CC2D2A: variants seen among roughly 807,000 people sequenced by gnomAD.
CC2D2A encodes coiled-coil and C2 domain-containing protein 2A.
In CC2D2A, 155 loss-of-function variants were observed where a neutral mutation model predicts 212.9. The ratio of observed to expected loss-of-function variants is 0.73; its 90% CI spans 0.64 to 0.83. CC2D2A has a LOEUF of 0.83. CC2D2A is among the 40% of genes least tolerant of loss of function. The pLI, the probability that CC2D2A is intolerant of heterozygous loss-of-function variation, is 0.00. For synonymous variants in CC2D2A, 667 were observed against 686.5 expected, an observed-to-expected ratio of 0.97 and a Z score of 0.44; for missense variants, 1,856 against 1,956.2, an observed-to-expected ratio of 0.95 and a Z score of 0.97.
rs755258233 is a variant in CC2D2A, at chr4:15,528,652, C to A, written c.1392C>A (p.Gly464=). The change falls in exon 13 of 37, where the codon GGC becomes GGA. Residue 464 remains glycine, a synonymous_variant. Coordinates refer to ENST00000424120, the MANE Select transcript of CC2D2A (RefSeq NM_001378615.1). ...CTTTAAGAAATGCTGTTCAGACTGG[C>A]CTTGATCCAGAAAAACCTCATCAGT... ...LQALRNAVQT[G]LDPEKPHQSL... 2.1e-5 allele frequency: 34 copies of A among 1,613,734 alleles called. No individual in the cohort carries two copies. The highest frequency in any genetic ancestry group is 9.3e-5 in the African/African-American group (7 of 74,920).
In CC2D2A at chr4:15,538,069, T is replaced by C. The variant is rs769851879; in HGVS notation, c.1935T>C (p.Pro645=). 1.2e-6 allele frequency: 2 copies of C among 1,607,438 alleles called. No individual in the cohort carries two copies. Among genetic ancestry groups the C allele is most frequent in the Non-Finnish European group, 1.7e-6 (2 of 1,177,092 alleles). ...RERAAQSRRR[P]WEPTLVPELS... ...GAGCAGCCCAGAGCAGGAGGAGGCCTTGGGAGCCCACGCTGGTCCCGGAGC... is the reference window on the plus strand; with the variant it reads ...GAGCAGCCCAGAGCAGGAGGAGGCCCTGGGAGCCCACGCTGGTCCCGGAGC... The change falls in exon 16 of 37, where the codon CCT becomes CCC. Residue 645 remains proline, a synonymous_variant. Transcript: ENST00000424120.
intron 18 of CC2D2A, among the ~76,000 whole-genome samples, chr4:15,552,955 ACT>A (rs1719083457): frequency 6.6e-6 from 1 of 152,094 alleles, no homozygotes; most frequent in African/African-American, 2.4e-5. Context: ...GAGAATGTCT[ACT>A]CTCTGCCATC....
At chr4:15,546,101 C>A (rs998268930) in intron 17 of CC2D2A, among the ~76,000 whole-genome samples, 2 of 151,710 alleles carry the variant, frequency 1.3e-5, no homozygotes, top group African/African-American at 2.4e-5. Context: ...CAGGGTGAGA[C>A]CCTGTCTCAA....
chr4:15,541,712 G>T (rs1021754549), intron 17 of CC2D2A, among the ~76,000 whole-genome samples: 1 of 152,154 alleles, frequency 6.6e-6, no homozygotes. Context: ...AGGTTATGAT[G>T]TGGGAAAGAT....
At position 15,550,857 on chromosome 4, in the gene CC2D2A, T is replaced by C; in HGVS notation, c.2215T>C (p.Leu739=). The C allele has an allele frequency of 6.3e-7, 1 of 1,596,162 alleles. No individual in the cohort carries two copies. The highest frequency in any genetic ancestry group is 2.2e-5 in the East Asian group (1 of 44,544). The part of the protein sequence containing the change: ...YETVGHSSPT[L]LAEVFLPIPE... ...AACTGTCGGACACAGTAGTCCCACC[T>C]TGCTAGCAGAAGTGTTTCTGCCTAT... Residue 739 remains leucine, a synonymous_variant, in exon 18 of 37, where the codon TTG becomes CTG. Transcript: ENST00000424120.
Position 15,587,930 on chromosome 4 carries a change from G to A in CC2D2A, c.4179+1G>A, listed in dbSNP as rs886044295. On this transcript the variant is annotated splice_donor_variant, in intron 32 of 36. Transcript: ENST00000424120. LOFTEE classifies it high-confidence loss of function. ...GTTGATGGGCAATGCTATTCCTGAGGTAAGACCACATAGGCTGCCTTTAAC... is the reference window on the plus strand; with the variant it reads ...GTTGATGGGCAATGCTATTCCTGAGATAAGACCACATAGGCTGCCTTTAAC... 6.3e-7 allele frequency: 1 copy of A among 1,575,222 alleles called. No individual in the cohort carries two copies. The highest frequency in any genetic ancestry group is 8.7e-7 in the Non-Finnish European group (1 of 1,145,714).
chr4:15,562,067 C>G (rs1719631268), intron 23 of CC2D2A, among the ~76,000 whole-genome samples: 1 of 152,202 alleles, frequency 6.6e-6, no homozygotes, highest in South Asian at 2.1e-4. Flanking sequence ...TAAATGGTAG[C>G]TATTTTGTGT....
At chr4:15,537,432 C>T (rs994201312) in intron 15 of CC2D2A, among the ~76,000 whole-genome samples, 4 of 152,140 alleles carry the variant, frequency 2.6e-5, no homozygotes, top group African/African-American at 9.7e-5. Flanking sequence ...ATTGATGCTT[C>T]TGAGTTTCCT....
rs1056778058 is a variant in CC2D2A at position 15,590,454 on chromosome 4, G to A, written c.4314+775G>A. ...TGCTTGAACCCAGGAGGCAGAGGTT[G>A]CAACGAGCTGAGATGGAGCCACTGC... is the stretch of plus-strand genomic sequence containing the variant. On this transcript the variant is annotated intron_variant, in intron 33 of 36. Transcript: ENST00000424120. 2.0e-5 allele frequency among the ~76,000 whole-genome samples: 3 copies of A among 152,192 alleles called. No individual in the cohort carries two copies. The East Asian group carries it at 5.8e-4, about 29-fold the overall frequency.
intron 4 of CC2D2A, among the ~76,000 whole-genome samples, chr4:15,497,436 T>C (rs968118477): frequency 2.0e-5 from 3 of 152,176 alleles, no homozygotes; most frequent in Admixed American, 6.6e-5. Flanking sequence ...AAGTAAAAGG[T>C]AGTTCAGGCC....
At chr4:15,483,930 C>G (rs1164732747) in intron 4 of CC2D2A, among the ~76,000 whole-genome samples, 2 of 152,186 alleles carry the variant, frequency 1.3e-5, no homozygotes, top group East Asian at 3.8e-4. Flanking sequence ...AGAGTGGGTA[C>G]CAGTCTCTAC....
chr4:15,541,185 G>A (rs1718424391), intron 17 of CC2D2A, among the ~76,000 whole-genome samples, 171 bp downstream of exon 17: 1 of 151,984 alleles, frequency 6.6e-6, no homozygotes. Flanking sequence ...CAAGTGTGCT[G>A]GCGGGTGCCT....
intron 4 of CC2D2A, among the ~76,000 whole-genome samples, chr4:15,495,115 CT>C (rs1011960163): frequency 3.3e-5 from 5 of 151,276 alleles, no homozygotes; most frequent in African/African-American, 1.2e-4. Context: ...GTTTCTTTTT[CT>C]TTTTTTTTGG....
Position 15,486,525 on chromosome 4 carries a change from G to A in CC2D2A, c.247+5698G>A, listed in dbSNP as rs116072264. ...TTGTTATGTCTCCATTTTTGTCTCTGATTTTATTTCTGTGGGTCTTCTCTT... is the reference window on the plus strand; with the variant it reads ...TTGTTATGTCTCCATTTTTGTCTCTAATTTTATTTCTGTGGGTCTTCTCTT... On this transcript the variant is annotated intron_variant, in intron 4 of 36. Coordinates refer to ENST00000424120, the MANE Select transcript of CC2D2A (RefSeq NM_001378615.1). 5.6e-3 allele frequency among the ~76,000 whole-genome samples: 854 copies of A among 151,890 alleles called. 9 individuals carry two copies. The highest frequency in any genetic ancestry group is 0.02 in the African/African-American group (813 of 41,510).
chr4:15,528,763 C>T, intron 13 of CC2D2A, 37 bp downstream of exon 13: 1 of 1,419,680 alleles, frequency 7.0e-7, no homozygotes, highest in Middle Eastern at 1.8e-4. Context: ...ACTTTTTTTC[C>T]CGTTAGATGT....
Position 15,599,631 on chromosome 4 carries a change from G to C in CC2D2A, c.4599G>C (p.Leu1533=). 1 of 1,613,626 alleles carries C rather than the reference G, an allele frequency of 6.2e-7. No homozygotes were observed. The highest frequency in any genetic ancestry group is 8.5e-7 in the Non-Finnish European group (1 of 1,179,642). Residue 1533 remains leucine (L), a synonymous_variant, in exon 36 of 37, where the codon CTG becomes CTC. Transcript: ENST00000424120. ...CTSTLRHFLP[L]LEKSQGEDVE... ...CTACTCTGCGTCACTTCTTGCCTCTGTTAGAAAAAAGTCAAGGAGAAGATG... is the reference window on the plus strand; with the variant it reads ...CTACTCTGCGTCACTTCTTGCCTCTCTTAGAAAAAAGTCAAGGAGAAGATG...
chr4:15,506,609 A>G (rs1201320805), intron 6 of CC2D2A, among the ~76,000 whole-genome samples: 3 of 152,196 alleles, frequency 2.0e-5, no homozygotes, highest in African/African-American at 7.2e-5. Flanking sequence ...TTTCAAACAC[A>G]TCAGTCTCTC....
intron 6 of CC2D2A, among the ~76,000 whole-genome samples, chr4:15,507,421 CA>C (rs1716322632): frequency 6.6e-6 from 1 of 152,138 alleles, no homozygotes; most frequent in Admixed American, 6.5e-5. Context: ...TGAAATTTGA[CA>C]GCACCTCACT....
chr4:15,566,718 T>C (rs998754814), intron 24 of CC2D2A, among the ~76,000 whole-genome samples: 1 of 152,152 alleles, frequency 6.6e-6, no homozygotes, highest in Admixed American at 6.5e-5. Flanking sequence ...ACACCTGCAA[T>C]ATCAGCACTT....
Sources: allele counts gnomAD v4.1 joint callset (sites outside exome capture counted in the v4.1 genomes callset), GRCh38; gene constraint gnomAD v4.1.1; transcripts MANE v1.5; gene names NCBI Gene and HGNC (gene_info 2026-07-23, HGNC 2026-07-21).